KCNMA1: variants seen among roughly 807,000 people sequenced by gnomAD.
KCNMA1 encodes Calcium-activated potassium channel subunit alpha-1.
A neutral mutation model predicts 140.0 loss-of-function variants in KCNMA1; 29 were observed. The observed-to-expected ratio is 0.21, with a 90% CI of 0.15 to 0.28. The LOEUF (loss-of-function observed/expected upper bound fraction) is 0.28. Among genes scored for constraint, KCNMA1 ranks in the 10% least tolerant of loss-of-function variants. The pLI, the probability that KCNMA1 is intolerant of heterozygous loss-of-function variation, is 1.00. For missense variants in KCNMA1, 880 were observed against 1,602.2 expected (o/e 0.55, Z 7.70); for synonymous variants, 612 against 611.9 (o/e 1.00, Z 0.00).
chr10:77,608,370 T>C (rs2085337417), intron 1 of KCNMA1, among the ~76,000 whole-genome samples: 1 of 152,076 alleles, frequency 6.6e-6, no homozygotes, highest in Non-Finnish European at 1.5e-5. Flanking sequence ...GATGGAGTTT[T>C]GCCATGTTGC....
chr10:77,064,119 T>C (rs2095852682), intron 14 of KCNMA1: 4 of 985,268 alleles, frequency 4.1e-6, no homozygotes, highest in Non-Finnish European at 4.8e-6. Context: ...AAGACCCATA[T>C]AAAAGAATCC....
chr10:77,059,561 A>G (rs754007297), intron 14 of KCNMA1, among the ~76,000 whole-genome samples: 1 of 152,150 alleles, frequency 6.6e-6, no homozygotes, highest in Non-Finnish European at 1.5e-5. Flanking sequence ...TAATCATTCA[A>G]TGTAATTTAC....
chr10:77,442,212 C>T (rs185540811), intron 1 of KCNMA1, among the ~76,000 whole-genome samples: 22 of 152,312 alleles, frequency 1.4e-4, no homozygotes, highest in Non-Finnish European at 2.8e-4. Flanking sequence ...TTCACTCTCA[C>T]CCCCACCCCA....
At chr10:77,047,790 A>C (rs918286065) in intron 14 of KCNMA1, among the ~76,000 whole-genome samples, 1 of 152,210 alleles carries the variant, frequency 6.6e-6, no homozygotes, top group African/African-American at 2.4e-5. Flanking sequence ...AGGATTCTTA[A>C]AAATACCACT....
At chr10:77,489,768 G>T (rs1054464580) in intron 1 of KCNMA1, among the ~76,000 whole-genome samples, 1 of 152,248 alleles carries the variant, frequency 6.6e-6, no homozygotes, top group Non-Finnish European at 1.5e-5. Context: ...ATACTATAGA[G>T]TAAGGCCTCA....
chr10:77,454,019 C>T (rs1441279945), intron 1 of KCNMA1, among the ~76,000 whole-genome samples: 1 of 152,116 alleles, frequency 6.6e-6, no homozygotes, highest in Non-Finnish European at 1.5e-5. Flanking sequence ...AGCTCAAAGG[C>T]AAGACCCAAA....
chr10:77,273,497 A>G (rs1443979185), intron 2 of KCNMA1, among the ~76,000 whole-genome samples: 2 of 152,250 alleles, frequency 1.3e-5, no homozygotes, highest in East Asian at 1.9e-4. Flanking sequence ...AGAGAAACAC[A>G]GATAAAAAAT....
intron 9 of KCNMA1, among the ~76,000 whole-genome samples, chr10:77,101,202 A>G (rs1003453706): frequency 6.6e-5 from 10 of 152,090 alleles, no homozygotes; most frequent in Non-Finnish European, 1.5e-4. Context: ...TCAGGAAGGG[A>G]TACCTAGCAC....
intron 9 of KCNMA1, among the ~76,000 whole-genome samples, chr10:77,096,359 G>C (rs537400666): frequency 6.6e-6 from 1 of 152,066 alleles, no homozygotes; most frequent in Non-Finnish European, 1.5e-5. Flanking sequence ...TTCTCTGTCC[G>C]ACCTTAGTTC....
In KCNMA1 at chr10:76,967,755, C is replaced by T. The variant is rs118156639; in HGVS notation, c.2360+2219G>A. 5.2e-3 allele frequency among the ~76,000 whole-genome samples: 795 copies of T among 152,252 alleles called. 3 individuals carry two copies. Among genetic ancestry groups the T allele is most frequent in the South Asian group, 8.9e-3 (43 of 4,824 alleles). On this transcript the variant is annotated intron_variant, in intron 20 of 27. Transcript: ENST00000286628. ...CAGGAACTGAGGCCTTAGCAGCAGCCCAAAGGCAACCAACATGAGAAGCCC... is the reference window on the plus strand; with the variant it reads ...CAGGAACTGAGGCCTTAGCAGCAGCTCAAAGGCAACCAACATGAGAAGCCC...
intron 17 of KCNMA1, among the ~76,000 whole-genome samples, chr10:77,018,051 T>TC (rs1390702059): frequency 6.6e-6 from 1 of 152,184 alleles, no homozygotes; most frequent in African/African-American, 2.4e-5. Context: ...CTTATGTGCC[T>TC]CATGGCCTTG....
chr10:77,512,861 C>T (rs945100497), intron 1 of KCNMA1, among the ~76,000 whole-genome samples: 6 of 152,188 alleles, frequency 3.9e-5, no homozygotes, highest in Non-Finnish European at 7.3e-5. Flanking sequence ...CGACTTGAGC[C>T]TTAAGTCCAA....
intron 3 of KCNMA1, among the ~76,000 whole-genome samples, chr10:77,221,676 C>T (rs931738265): frequency 2.6e-5 from 4 of 152,038 alleles, no homozygotes; most frequent in Non-Finnish European, 4.4e-5. Flanking sequence ...TATATACCCG[C>T]AAAAATTAAA....
At chr10:77,044,436 G>T (rs537548610) in intron 14 of KCNMA1, among the ~76,000 whole-genome samples, 18 of 151,992 alleles carry the variant, frequency 1.2e-4, no homozygotes, top group Non-Finnish European at 2.1e-4. Flanking sequence ...GAAGTTTGAG[G>T]CTAGATATTT....
chr10:76,924,308 C>A (rs1180133781), intron 23 of KCNMA1, among the ~76,000 whole-genome samples: 1 of 152,056 alleles, frequency 6.6e-6, no homozygotes, highest in African/African-American at 2.4e-5. Context: ...TGAAAAACCA[C>A]AGGTAACATA....
At chr10:77,445,330 A>G (rs997947384) in intron 1 of KCNMA1, among the ~76,000 whole-genome samples, 1 of 150,966 alleles carries the variant, frequency 6.6e-6, no homozygotes, top group Non-Finnish European at 1.5e-5. Flanking sequence ...CATCGTCCAT[A>G]TTCTCTCTCT....
At chr10:77,495,781 G>T (rs888868496) in intron 1 of KCNMA1, among the ~76,000 whole-genome samples, 1 of 152,168 alleles carries the variant, frequency 6.6e-6, no homozygotes, top group Non-Finnish European at 1.5e-5. Flanking sequence ...AAAGAGGAAA[G>T]CCAGCCTCAT....
At chr10:77,106,400 G>A (rs1275839569) in intron 9 of KCNMA1, among the ~76,000 whole-genome samples, 4 of 152,322 alleles carry the variant, frequency 2.6e-5, no homozygotes, top group Non-Finnish European at 1.5e-5. Flanking sequence ...CTGCCAGGGT[G>A]AAAGATGACC....
chr10:77,085,111 T>A lies in KCNMA1; in HGVS notation c.1441-392A>T, dbSNP rs574675250. 1.2e-4 allele frequency among the ~76,000 whole-genome samples: 18 copies of A among 152,342 alleles called. No homozygotes were observed. The South Asian group carries it at 3.7e-3, about 32-fold the overall frequency. ...AGGAGTTGGAGGTGGGTGGGTTAAA[T>A]CCCTTCTCTCCAGTTAGCAAGGTAA... is the stretch of plus-strand genomic sequence containing the variant. On this transcript the variant is annotated intron_variant, in intron 11 of 27. Transcript: ENST00000286628.
Sources: allele counts gnomAD v4.1 joint callset (sites outside exome capture counted in the v4.1 genomes callset), GRCh38; gene constraint gnomAD v4.1.1; transcripts MANE v1.5; gene names NCBI Gene and HGNC (gene_info 2026-07-23, HGNC 2026-07-21).